The following CEP57 variants were observed in gnomAD, a reference collection of about 807,000 sequenced individuals.
CEP57 encodes centrosomal protein 57, also known as centrosomal protein of 57 kDa.
A neutral mutation model predicts 68.0 loss-of-function variants in CEP57; 40 were observed. That is an observed-to-expected ratio of 0.59 (90% CI 0.46 to 0.77). The LOEUF (loss-of-function observed/expected upper bound fraction) is 0.77. CEP57 is among the 30% of genes least tolerant of loss of function. The pLI, the probability that CEP57 is intolerant of heterozygous loss-of-function variation, is 0.00. For synonymous variants in CEP57, 219 were observed against 198.7 expected, an observed-to-expected ratio of 1.10 and a Z score of -0.86; for missense variants, 606 against 580.7, an observed-to-expected ratio of 1.04 and a Z score of -0.45.
At chr11:95,815,592 C>A (rs1216046386) in intron 4 of CEP57, among the ~76,000 whole-genome samples, 3 of 151,790 alleles carry the variant, frequency 2.0e-5, no homozygotes, top group Non-Finnish European at 4.4e-5. Flanking sequence ...ACAATAAATT[C>A]CTCAGTTGTG....
At chr11:95,791,375 A>G (rs1445280753) in intron 1 of CEP57, among the ~76,000 whole-genome samples, 2 of 152,172 alleles carry the variant, frequency 1.3e-5, no homozygotes, top group Non-Finnish European at 2.9e-5. Flanking sequence ...CGCCTCATCA[A>G]ATGTCACCAT....
intron 4 of CEP57, among the ~76,000 whole-genome samples, chr11:95,816,375 G>A (rs1205531543): frequency 1.3e-5 from 2 of 152,176 alleles, no homozygotes; most frequent in African/African-American, 4.8e-5. Flanking sequence ...AATTCAAGAT[G>A]AGATTTGGTT....
chr11:95,817,913 T>C lies in CEP57; in HGVS notation c.621+10T>C, dbSNP rs1862367850. 6.6e-7 allele frequency: 1 copy of C among 1,522,436 alleles called. No individual in the cohort carries two copies. The highest frequency in any genetic ancestry group is 1.7e-5 in the Admixed American group (1 of 59,868). The allele number at this position is 1,522,436 out of a possible 1,614,324, so 94.3% of individuals were successfully genotyped here. A position where few individuals can be genotyped will look rare whatever the true frequency, so the allele number is the denominator to read the frequency against. ...GCAGGCCCTTGCAGAAGTCAGTGCATGTGTCTTTTTATTGTTAACATATAT... is the reference window on the plus strand; with the variant it reads ...GCAGGCCCTTGCAGAAGTCAGTGCACGTGTCTTTTTATTGTTAACATATAT... On this transcript the variant is annotated intron_variant, in intron 5 of 10. Transcript: ENST00000325542.
intron 2 of CEP57, among the ~76,000 whole-genome samples, chr11:95,803,544 T>G (rs906846871): frequency 1.1e-4 from 16 of 151,452 alleles, no homozygotes; most frequent in Admixed American, 9.8e-4. Context: ...AAGATGCATA[T>G]TACAGGTTTG....
chr11:95,813,519 A>C lies in CEP57; in HGVS notation c.434A>C (p.Lys145Thr). Residue 145 changes from lysine to threonine, a missense_variant, in exon 4 of 11, where the codon AAA becomes ACA. Transcript: ENST00000325542. ...AAENKCNLLE[K>T]QLEYMRNMIK... ...GAAAATAAATGCAATCTATTAGAAA[A>C]ACAATTGGAATACATGCGAAATATG... is the stretch of plus-strand genomic sequence containing the variant. 1 of 1,613,150 alleles carries C rather than the reference A, an allele frequency of 6.2e-7. No homozygotes were observed. The highest frequency in any genetic ancestry group is 8.5e-7 in the Non-Finnish European group (1 of 1,179,946).
chr11:95,822,677 G>T (rs1862565636), intron 8 of CEP57, 101 bp downstream of exon 8: 1 of 887,476 alleles, frequency 1.1e-6, no homozygotes, highest in Non-Finnish European at 1.9e-6. Flanking sequence ...ACATTTTTCT[G>T]TGCCTTTACC....
At chr11:95,791,529 T>TATACCAG (rs1861076126) in intron 1 of CEP57, among the ~76,000 whole-genome samples, 2 of 152,192 alleles carry the variant, frequency 1.3e-5, no homozygotes, top group Non-Finnish European at 2.9e-5. Context: ...GTTCGATGCC[T>TATACCAG]GGTATACTGT....
In CEP57 at chr11:95,813,048, G is replaced by A; in HGVS notation, c.319G>A (p.Val107Ile). 1 of 1,613,802 alleles carries A rather than the reference G, an allele frequency of 6.2e-7. No individual in the cohort carries two copies. Among genetic ancestry groups the A allele is most frequent in the South Asian group, 1.1e-5 (1 of 91,058 alleles). The change falls in exon 3 of 11, where the codon GTA becomes ATA. Residue 107 changes from valine to isoleucine, a missense_variant. Physicochemically the swap from Val to Ile is conservative, Grantham distance 29. Coordinates refer to ENST00000325542, the MANE Select transcript of CEP57 (RefSeq NM_014679.5). ...TAGAGAAACAATTGAATATAAGAAA[G>A]TACTGGATGAACAGATACAAGAAAG... Reference protein sequence around the residue: ...LSRETIEYKKVLDEQIQEREN... With the variant: ...LSRETIEYKKILDEQIQEREN...
rs535207572 is a variant in CEP57 at position 95,829,111 on chromosome 11, C to T, written c.1128-76C>T. 5 of 1,463,096 alleles carry T rather than the reference C, an allele frequency of 3.4e-6. No homozygotes were observed. The Admixed American group carries it at 8.4e-5, about 25-fold the overall frequency. 90.6% of individuals were successfully genotyped at this position (1,463,096 alleles called of 1,614,324 possible). On this transcript the variant is annotated intron_variant, in intron 9 of 10. Transcript: ENST00000325542. ...ATTTTTTAAACACATGGAGCAGTAA[C>T]CCATAATGAGGTATAATAGACCTAA...
intron 1 of CEP57, among the ~76,000 whole-genome samples, chr11:95,797,420 G>A (rs1429534899): frequency 1.3e-5 from 2 of 151,918 alleles, no homozygotes; most frequent in African/African-American, 2.4e-5. Flanking sequence ...CGCCCAGCTC[G>A]GCCTCCCAAA....
chr11:95,809,446 C>T (rs1861952984), intron 2 of CEP57, among the ~76,000 whole-genome samples: 1 of 152,058 alleles, frequency 6.6e-6, no homozygotes, highest in Non-Finnish European at 1.5e-5. Flanking sequence ...AATTGATAGA[C>T]CACTAGCAAG....
rs1861478889 is a variant in CEP57 at position 95,799,356 on chromosome 11, C to G, written c.170C>G (p.Pro57Arg). Residue 57 changes from proline (P) to arginine (R), a missense_variant, in exon 2 of 11, where the codon CCT (proline) becomes CGT (arginine). Pro to Arg is a moderately radical substitution (Grantham distance 103). Transcript: ENST00000325542. The stretch of plus-strand genomic sequence containing the variant: ...GATCTACGACGCTCCCCAAGTAAGC[C>G]TACACTTGCCTATCCAGAAAGCAAC... ...NSDLRRSPSK[P>R]TLAYPESNSR... 5 of 1,613,894 alleles carry G rather than the reference C, an allele frequency of 3.1e-6. No homozygotes were observed. Among genetic ancestry groups the G allele is most frequent in the Non-Finnish European group, 4.2e-6 (5 of 1,179,952 alleles).
At chr11:95,822,677 G>GTGCCTTTACCAGTGTGTGGAACA in intron 8 of CEP57, 101 bp downstream of exon 8, 1 of 887,478 alleles carries the variant, frequency 1.1e-6, no homozygotes, top group East Asian at 2.6e-5. Flanking sequence ...ACATTTTTCT[G>GTGCCTTTACCAGTGTGTGGAACA]TGCCTTTACC....
intron 10 of CEP57, 35 bp from the exon 11 acceptor site, chr11:95,830,991 C>T (rs763891894): frequency 2.0e-6 from 3 of 1,500,602 alleles, no homozygotes. Context: ...TCATTAAATT[C>T]TCCTTTTCCT....
intron 1 of CEP57, chr11:95,794,261 A>G (rs757894019): frequency 2.9e-5 from 13 of 455,894 alleles, no homozygotes; most frequent in Non-Finnish European, 4.0e-5. Context: ...GTAGTGGGTC[A>G]TGGAATATGT....
At chr11:95,829,056 AAT>A in intron 9 of CEP57, 129 bp from the exon 10 acceptor site, 3 of 992,192 alleles carry the variant, frequency 3.0e-6, no homozygotes, top group Non-Finnish European at 3.0e-6. Flanking sequence ...AAAAAAAAAA[AAT>A]TTATTGCTCT....
At chr11:95,796,545 G>T (rs763522636) in intron 1 of CEP57, among the ~76,000 whole-genome samples, 2 of 152,140 alleles carry the variant, frequency 1.3e-5, no homozygotes, top group Non-Finnish European at 2.9e-5. Flanking sequence ...TAAGTAATGT[G>T]CAGTTTCCTG....
intron 2 of CEP57, among the ~76,000 whole-genome samples, chr11:95,800,419 C>CA (rs1258787514): frequency 1.3e-5 from 2 of 151,100 alleles, no homozygotes; most frequent in African/African-American, 2.4e-5. Flanking sequence ...TTTTTGGAGA[C>CA]AGAGTCTCAC....
At chr11:95,816,342 G>T (rs1862297360) in intron 4 of CEP57, among the ~76,000 whole-genome samples, 3 of 152,178 alleles carry the variant, frequency 2.0e-5, no homozygotes, top group African/African-American at 7.2e-5. Flanking sequence ...CCCCCAAAAT[G>T]TGGGGATTAC....
Sources: gnomAD v4.1 joint callset for allele counts (sites outside exome capture counted in the v4.1 genomes callset) on GRCh38, gnomAD v4.1.1 for gene constraint, MANE v1.5 for transcripts, NCBI Gene and HGNC (gene_info 2026-07-23, HGNC 2026-07-21) for gene names.